SRRM4: variants seen among roughly 807,000 people sequenced by gnomAD.
SRRM4 encodes serine/arginine repetitive matrix 4.
Under a neutral mutation model 68.9 loss-of-function variants are expected in SRRM4, and 33 were observed. The ratio of observed to expected loss-of-function variants is 0.48; its 90% CI spans 0.36 to 0.64. The LOEUF (loss-of-function observed/expected upper bound fraction) is 0.64, where lower values mean the gene tolerates loss of function less well. Among genes scored for constraint, SRRM4 ranks in the 30% least tolerant of loss-of-function variants. SRRM4 has a pLI of 0.00. For missense variants in SRRM4, 817 were observed against 827.1 expected, an observed-to-expected ratio of 0.99 and a Z score of 0.15; for synonymous variants, 318 against 318.8, an observed-to-expected ratio of 1.00 and a Z score of 0.03.
At chr12:119,111,719 G>A (rs1954144756) in intron 2 of SRRM4, among the ~76,000 whole-genome samples, 1 of 152,026 alleles carries the variant, frequency 6.6e-6, no homozygotes, top group African/African-American at 2.4e-5. Context: ...TATTGATTAG[G>A]CTTTTGCCCT....
At chr12:119,007,275 T>C (rs773433511) in intron 1 of SRRM4, among the ~76,000 whole-genome samples, 11 of 152,230 alleles carry the variant, frequency 7.2e-5, no homozygotes, top group African/African-American at 1.2e-4. Context: ...CCTTTTAATA[T>C]TCATCACTTG....
rs1041411831 is a variant in SRRM4, at chr12:119,161,203, C to T, written c.*4405C>T. Reference sequence around the variant, plus strand: ...CTTTTTCACAAATGTTCAAAATGGTCTCATGCGCATGTGTCTTGCCCCACT... The same window carrying T: ...CTTTTTCACAAATGTTCAAAATGGTTTCATGCGCATGTGTCTTGCCCCACT... On this transcript the variant is annotated 3_prime_UTR_variant, in exon 13 of 13. Coordinates refer to ENST00000267260, the MANE Select transcript of SRRM4 (RefSeq NM_194286.4). The T allele has an allele frequency of 2.5e-4, 38 of 152,188 alleles. No homozygotes were observed. The highest frequency in any genetic ancestry group is 6.8e-4 in the African/African-American group (28 of 41,438). The allele number at this position is 152,188 out of a possible 1,614,324, so 9.4% of individuals were successfully genotyped here.
At chr12:119,089,799 G>A (rs1445531896) in intron 1 of SRRM4, among the ~76,000 whole-genome samples, 1 of 152,016 alleles carries the variant, frequency 6.6e-6, no homozygotes, top group Non-Finnish European at 1.5e-5. Context: ...ATCATCATCA[G>A]TAACATTATC....
At chr12:119,064,091 G>A (rs1452672187) in intron 1 of SRRM4, among the ~76,000 whole-genome samples, 1 of 152,170 alleles carries the variant, frequency 6.6e-6, no homozygotes, top group Non-Finnish European at 1.5e-5. Context: ...TGGGAGCAGG[G>A]TGAGAGCAAC....
chr12:119,137,548 G>A (rs1357807796), intron 8 of SRRM4, among the ~76,000 whole-genome samples: 1 of 149,574 alleles, frequency 6.7e-6, no homozygotes, highest in East Asian at 2.0e-4. Context: ...TGAACACTGA[G>A]TATATTAAGG....
chr12:119,129,872 AATGGATGG>A (rs112594447), intron 7 of SRRM4, among the ~76,000 whole-genome samples: 113 of 136,996 alleles, frequency 8.2e-4, no homozygotes, highest in East Asian at 1.6e-3. Flanking sequence ...TAGTTGGACA[AATGGATGG>A]ATGGATGGAT....
intron 1 of SRRM4, among the ~76,000 whole-genome samples, chr12:119,075,454 G>GATGATGGTA (rs1345790914): frequency 6.7e-6 from 1 of 149,454 alleles, no homozygotes; most frequent in Non-Finnish European, 1.5e-5. Flanking sequence ...TGATGATGGT[G>GATGATGGTA]ATGATGGTGA....
chr12:118,987,458 G>T (rs1176057102), intron 1 of SRRM4, among the ~76,000 whole-genome samples: 1 of 152,168 alleles, frequency 6.6e-6, no homozygotes, highest in Non-Finnish European at 1.5e-5. Context: ...TGGCTTTGGT[G>T]CTCCCTAAAG....
chr12:119,087,061 G>T (rs142041397), intron 1 of SRRM4, among the ~76,000 whole-genome samples: 1 of 152,158 alleles, frequency 6.6e-6, no homozygotes, highest in Non-Finnish European at 1.5e-5. Flanking sequence ...ATGGTGAAAG[G>T]GTTAAAACCA....
Position 119,145,623 on chromosome 12 carries a change from A to G in SRRM4, c.1014A>G (p.Ser338=). ...SDSGNSFTTS[S]PQNKGAMLEN... ...CAGGGAACTCCTTCACCACCTCCTCACCCCAGAACAAGGGGGCCATGTTGG... is the reference window on the plus strand; with the variant it reads ...CAGGGAACTCCTTCACCACCTCCTCGCCCCAGAACAAGGGGGCCATGTTGG... The change falls in exon 9 of 13, where the codon TCA becomes TCG. Residue 338 remains serine (S), a synonymous_variant. Transcript: ENST00000267260. 1 of 1,545,794 alleles carries G rather than the reference A, an allele frequency of 6.5e-7. No homozygotes were observed. Among genetic ancestry groups the G allele is most frequent in the Non-Finnish European group, 8.7e-7 (1 of 1,148,032 alleles).
chr12:119,148,284 T>A (rs1477569639), intron 9 of SRRM4, among the ~76,000 whole-genome samples: 5 of 152,202 alleles, frequency 3.3e-5, no homozygotes, highest in Non-Finnish European at 7.3e-5. Flanking sequence ...CATGCAGAAC[T>A]GCCTTCCCAT....
rs544608377 is a variant in SRRM4 at position 119,083,053 on chromosome 12, C to T, written c.132-19183C>T. On this transcript the variant is annotated intron_variant, in intron 1 of 12. Transcript: ENST00000267260. Reference sequence around the variant, plus strand: ...TGGTGTTTCCTTCAATTCAGGACCCCCCTTGTGAAAGCTCCAGGGCAGTTG... The same window carrying T: ...TGGTGTTTCCTTCAATTCAGGACCCTCCTTGTGAAAGCTCCAGGGCAGTTG... Among the ~76,000 whole-genome samples the T allele has an allele frequency of 7.9e-5, 12 of 152,180 alleles. No individual in the cohort carries two copies. In the East Asian group the frequency reaches 1.9e-3, roughly 25 times the overall value.
intron 1 of SRRM4, among the ~76,000 whole-genome samples, chr12:119,010,764 T>A (rs899138848): frequency 1.3e-5 from 2 of 152,198 alleles, no homozygotes; most frequent in African/African-American, 4.8e-5. Context: ...TCAGGAAGAA[T>A]CTGCAAACAG....
chr12:119,022,969 CTCTTTTTGTG>C (rs1336995339), intron 1 of SRRM4, among the ~76,000 whole-genome samples: 1 of 152,204 alleles, frequency 6.6e-6, no homozygotes, highest in Non-Finnish European at 1.5e-5. Context: ...AGCAGAGCAT[CTCTTTTTGTG>C]TCTTTTTGAG....
intron 1 of SRRM4, among the ~76,000 whole-genome samples, chr12:119,087,806 G>C (rs1377848013): frequency 6.6e-6 from 1 of 152,144 alleles, no homozygotes; most frequent in Non-Finnish European, 1.5e-5. Context: ...CCCATGCTCA[G>C]TCTGGAGACC....
chr12:119,049,438 C>T (rs539410806), intron 1 of SRRM4, among the ~76,000 whole-genome samples: 2 of 152,176 alleles, frequency 1.3e-5, no homozygotes, highest in East Asian at 1.9e-4. Context: ...CAACTTTTTT[C>T]GTTATTAGCA....
chr12:118,989,700 T>G (rs1953303952), intron 1 of SRRM4: 1 of 152,140 alleles, frequency 6.6e-6, no homozygotes, highest in South Asian at 2.1e-4. Context: ...AAAACAGTCA[T>G]TAAGTAATTC....
intron 2 of SRRM4, among the ~76,000 whole-genome samples, chr12:119,106,260 T>C (rs1324341085): frequency 6.6e-6 from 1 of 152,196 alleles, no homozygotes; most frequent in Admixed American, 6.5e-5. Context: ...CCAGTTTTGT[T>C]CTTTTGGCTT....
At chr12:119,040,665 T>C (rs1281637437) in intron 1 of SRRM4, among the ~76,000 whole-genome samples, 1 of 152,090 alleles carries the variant, frequency 6.6e-6, no homozygotes, top group African/African-American at 2.4e-5. Context: ...CGTGTGCAAG[T>C]ATCTTTTTGG....
Sources: gnomAD v4.1 joint callset for allele counts (sites outside exome capture counted in the v4.1 genomes callset) on GRCh38, gnomAD v4.1.1 for gene constraint, MANE v1.5 for transcripts, NCBI Gene and HGNC (gene_info 2026-07-23, HGNC 2026-07-21) for gene names.